The following SNF8 variants were observed in gnomAD, a reference collection of about 807,000 sequenced individuals.
SNF8 encodes the protein vacuolar-sorting protein SNF8.
Under a neutral mutation model 36.8 loss-of-function variants are expected in SNF8, and 19 were observed. That is an observed-to-expected ratio of 0.52 (90% CI 0.36 to 0.76). The LOEUF (loss-of-function observed/expected upper bound fraction) is 0.76, where lower values mean the gene tolerates loss of function less well. Ranked by LOEUF, SNF8 falls within the 30% of genes least tolerant of loss-of-function variation. SNF8 has a pLI of 0.00. For synonymous variants in SNF8, 127 were observed against 127.4 expected (o/e 1.00, Z 0.02); for missense variants, 268 against 322.9 (o/e 0.83, Z 1.30).
rs779573130 is a variant in SNF8 at position 48,940,993 on chromosome 17, G to A, written c.175C>T (p.Arg59Trp). The change falls in exon 3 of 8, where the codon CGG becomes TGG. Residue 59 changes from arginine (R) to tryptophan (W), a missense_variant. Physicochemically the swap from Arg to Trp is moderately radical, Grantham distance 101. Transcript: ENST00000502492. ...TGCACACGGAACTCAGGATTCTTCCGGATCTCCTGCTTGTGTTTGCTGGCA... is the reference window on the plus strand; with the variant it reads ...TGCACACGGAACTCAGGATTCTTCCAGATCTCCTGCTTGTGTTTGCTGGCA... ...EFASKHKQEI[R>W]KNPEFRVQFQ... 3 of 1,613,456 alleles carry A rather than the reference G, an allele frequency of 1.9e-6. No individual in the cohort carries two copies. Among genetic ancestry groups the A allele is most frequent in the Non-Finnish European group, 2.5e-6 (3 of 1,180,004 alleles).
chr17:48,935,468 ACGCCACTGCACTCC>A (rs2040920629), intron 5 of SNF8, among the ~76,000 whole-genome samples: 1 of 148,754 alleles, frequency 6.7e-6, no homozygotes, highest in Non-Finnish European at 1.5e-5. Flanking sequence ...AGCAGAGATC[ACGCCACTGCACTCC>A]AGCCTGGGCG....
intron 7 of SNF8, 111 bp from the exon 8 acceptor site, chr17:48,930,723 A>C: frequency 8.7e-7 from 1 of 1,147,470 alleles, no homozygotes; most frequent in East Asian, 2.4e-5. Context: ...TTCAAACTAA[A>C]TCTACTAAGT....
intron 4 of SNF8, chr17:48,936,608 G>A: frequency 3.3e-6 from 1 of 306,150 alleles, no homozygotes; most frequent in Non-Finnish European, 6.1e-6. Flanking sequence ...AAGAAAGATG[G>A]CATCACCAGA....
chr17:48,944,166 G>A (rs1339294859), intron 1 of SNF8, 191 bp from the exon 2 acceptor site: 2 of 522,292 alleles, frequency 3.8e-6, no homozygotes, highest in African/African-American at 1.9e-5. Flanking sequence ...GCCGGACGTG[G>A]TGGTGGGCGC....
At chr17:48,937,257 T>C (rs1387481039) in intron 3 of SNF8, 133 bp from the exon 4 acceptor site, 1 of 766,892 alleles carries the variant, frequency 1.3e-6, no homozygotes, top group Admixed American at 2.0e-5. Flanking sequence ...CTCCATCTGC[T>C]ACTCAGGAAA....
At chr17:48,939,659 C>G (rs891184343) in intron 3 of SNF8, among the ~76,000 whole-genome samples, 2 of 151,710 alleles carry the variant, frequency 1.3e-5, no homozygotes, top group African/African-American at 4.8e-5. Flanking sequence ...CAGGGTTTCA[C>G]CGTGTTAGCC....
At chr17:48,943,683 C>T (rs1349504901) in intron 2 of SNF8, among the ~76,000 whole-genome samples, 1 of 152,108 alleles carries the variant, frequency 6.6e-6, no homozygotes, top group African/African-American at 2.4e-5. Context: ...GAGGATTGAA[C>T]AAGACAGTCT....
intron 3 of SNF8, 83 bp from the exon 4 acceptor site, chr17:48,937,207 CAT>C (rs2040947678): frequency 9.4e-7 from 1 of 1,065,842 alleles, no homozygotes; most frequent in Admixed American, 1.7e-5. Context: ...AAACATCTAT[CAT>C]ATGGGAAGTC....
chr17:48,943,182 G>A lies in SNF8; in HGVS notation c.105+743C>T, dbSNP rs1228769370. Among the ~76,000 whole-genome samples the A allele has an allele frequency of 2.0e-5, 3 of 151,286 alleles. No homozygotes were observed. The East Asian group carries it at 6.0e-4, about 30-fold the overall frequency. Reference sequence around the variant, plus strand: ...CACCCGGCTCTCAATTTTAAACTCAGAATATGGCCGGGCGCGGTGGCTCAC... The same window carrying A: ...CACCCGGCTCTCAATTTTAAACTCAAAATATGGCCGGGCGCGGTGGCTCAC... On this transcript the variant is annotated intron_variant, in intron 2 of 7. Coordinates refer to ENST00000502492, the MANE Select transcript of SNF8 (RefSeq NM_007241.4).
intron 2 of SNF8, among the ~76,000 whole-genome samples, chr17:48,942,927 A>G (rs890299178): frequency 1.1e-4 from 15 of 138,218 alleles, no homozygotes; most frequent in African/African-American, 4.3e-4. Context: ...GTGCAGTGGC[A>G]TGATCCTGGC....
At chr17:48,931,748 G>GT (rs758587594) in intron 6 of SNF8, 31 bp from the exon 7 acceptor site, 31 of 1,566,636 alleles carry the variant, frequency 2.0e-5, no homozygotes, top group Non-Finnish European at 2.5e-5. Flanking sequence ...GATTGAATCA[G>GT]TTAAGAGTGC....
At chr17:48,935,908 T>C (rs534694389) in intron 5 of SNF8, 62 of 334,522 alleles carry the variant, frequency 1.9e-4, no homozygotes, top group Admixed American at 4.5e-4. Flanking sequence ...GGAGGATTAC[T>C]TGAGCCCAAG....
At chr17:48,943,315 A>G (rs1366069369) in intron 2 of SNF8, among the ~76,000 whole-genome samples, 1 of 152,182 alleles carries the variant, frequency 6.6e-6, no homozygotes, top group Non-Finnish European at 1.5e-5. Context: ...ACAAAAAAAA[A>G]TAACAAAAAT....
chr17:48,934,336 T>C (rs556258587), intron 5 of SNF8: 15 of 151,590 alleles, frequency 9.9e-5, no homozygotes, highest in Non-Finnish European at 1.5e-5. Flanking sequence ...TTTTAGGAGA[T>C]GAGGTCTTGG....
chr17:48,934,793 G>A lies in SNF8; in HGVS notation c.422+1377C>T, dbSNP rs530244377. On this transcript the variant is annotated intron_variant, in intron 5 of 7. Coordinates refer to ENST00000502492, the MANE Select transcript of SNF8 (RefSeq NM_007241.4). The stretch of plus-strand genomic sequence containing the variant: ...TGGTCTCGAACTCCTGTCCTCAAGC[G>A]ATCCTCCCACCTCAGCCTCCCAAAG... Among the ~76,000 whole-genome samples the A allele has an allele frequency of 7.9e-4, 120 of 152,078 alleles. 1 individual carries two copies. The highest frequency in any genetic ancestry group is 1.8e-4 in the Non-Finnish European group (12 of 67,994).
In SNF8 at chr17:48,936,226, C is replaced by T; in HGVS notation, c.366G>A (p.Glu122=). The part of the protein sequence containing the change: ...KHRNGGLITL[E]ELHQQVLKGR... ...CCTTCAACACCTGTTGATGTAGTTC[C>T]TCCAAAGTTATCAGACCTGTTTGGA... Residue 122 remains glutamate (E), a synonymous_variant, in exon 5 of 8, where the codon GAG becomes GAA. Coordinates refer to ENST00000502492, the MANE Select transcript of SNF8 (RefSeq NM_007241.4). The T allele has an allele frequency of 3.1e-6, 5 of 1,613,882 alleles. No homozygotes were observed. Among genetic ancestry groups the T allele is most frequent in the Non-Finnish European group, 4.2e-6 (5 of 1,179,826 alleles).
intron 4 of SNF8, 48 bp downstream of exon 4, chr17:48,936,972 C>G (rs1444197879): frequency 1.1e-5 from 15 of 1,338,714 alleles, no homozygotes; most frequent in Non-Finnish European, 1.6e-5. Flanking sequence ...GGTTTTCTCC[C>G]TCTCAGAGAA....
chr17:48,942,350 A>G (rs901004719), intron 2 of SNF8, among the ~76,000 whole-genome samples: 5 of 152,044 alleles, frequency 3.3e-5, no homozygotes, highest in Non-Finnish European at 7.4e-5. Flanking sequence ...AAAAAAAAAA[A>G]AAAGAAACCT....
intron 2 of SNF8, among the ~76,000 whole-genome samples, 183 bp downstream of exon 2, chr17:48,943,742 C>T (rs759606167): frequency 1.3e-5 from 2 of 152,204 alleles, no homozygotes; most frequent in Non-Finnish European, 2.9e-5. Flanking sequence ...CATGTAATCA[C>T]TCAAAGATGT....
Sources: gnomAD v4.1 joint callset for allele counts (sites outside exome capture counted in the v4.1 genomes callset) on GRCh38, gnomAD v4.1.1 for gene constraint, MANE v1.5 for transcripts, NCBI Gene and HGNC (gene_info 2026-07-23, HGNC 2026-07-21) for gene names.